Variants in L3MBTL4 observed in about 807,000 individuals in gnomAD.
The protein encoded by L3MBTL4 is lethal(3)malignant brain tumor-like protein 4.
A neutral mutation model predicts 84.5 loss-of-function variants in L3MBTL4; 70 were observed. The ratio of observed to expected loss-of-function variants is 0.83; its 90% CI spans 0.68 to 1.01. The LOEUF is 1.01. L3MBTL4 is among the 50% of genes least tolerant of loss of function. The pLI is 0.00. For missense variants in L3MBTL4, 715 were observed against 754.8 expected (o/e 0.95, Z 0.62); for synonymous variants, 274 against 259.8 (o/e 1.05, Z -0.52).
chr18:6,410,583 A>C (rs1014826963), intron 1 of L3MBTL4, among the ~76,000 whole-genome samples: 8 of 152,212 alleles, frequency 5.3e-5, no homozygotes, highest in African/African-American at 1.9e-4. Context: ...AGCTATCAGA[A>C]TAGCTTACAT....
At position 6,123,123 on chromosome 18, in the gene L3MBTL4, C is replaced by G. The variant is rs185195796; in HGVS notation, c.1199+15071G>C. Among the ~76,000 whole-genome samples, 766 of 152,242 alleles carry G rather than the reference C, an allele frequency of 5.0e-3. 8 individuals carry two copies. The highest frequency in any genetic ancestry group is 0.018 in the African/African-American group (727 of 41,538). On this transcript the variant is annotated intron_variant, in intron 14 of 18. Coordinates refer to ENST00000317931, the MANE Select transcript of L3MBTL4 (RefSeq NM_001330559.2). ...GGGGGTTATTCTAACCCAGTTCTTGCTGCTAGCAATAGTTTTGCAATTATG... is the reference window on the plus strand; with the variant it reads ...GGGGGTTATTCTAACCCAGTTCTTGGTGCTAGCAATAGTTTTGCAATTATG...
chr18:6,107,030 TATATC>T (rs987088688), intron 14 of L3MBTL4, among the ~76,000 whole-genome samples: 2 of 152,320 alleles, frequency 1.3e-5, no homozygotes, highest in Admixed American at 6.5e-5. Flanking sequence ...TTAAAAATGA[TATATC>T]ATAACAATAG....
intron 1 of L3MBTL4, among the ~76,000 whole-genome samples, chr18:6,325,781 T>A (rs1162390341): frequency 3.9e-5 from 6 of 152,196 alleles, no homozygotes; most frequent in Non-Finnish European, 8.8e-5. Context: ...AAATACAATA[T>A]TATAAGATTT....
At chr18:6,119,880 A>T (rs1473366189) in intron 14 of L3MBTL4, among the ~76,000 whole-genome samples, 3 of 152,236 alleles carry the variant, frequency 2.0e-5, no homozygotes, top group Non-Finnish European at 4.4e-5. Flanking sequence ...GAAGACTAAA[A>T]GCTAAGCATA....
chr18:6,196,909 C>T (rs533751617), intron 12 of L3MBTL4, among the ~76,000 whole-genome samples: 15 of 152,172 alleles, frequency 9.9e-5, no homozygotes, highest in African/African-American at 2.4e-4. Flanking sequence ...AGGTCAGCCC[C>T]GGCTTTCTCT....
chr18:6,007,405 A>G (rs1217661990), intron 16 of L3MBTL4, among the ~76,000 whole-genome samples: 1 of 152,222 alleles, frequency 6.6e-6, no homozygotes, highest in Admixed American at 6.5e-5. Context: ...TTAAATTTAT[A>G]CCAAGATAAA....
rs2058661958 is a variant in L3MBTL4 at position 6,096,899 on chromosome 18, C to T, written c.1200-3371G>A. ...TTGGTTGATTATGCATGGAGACAAG[C>T]AAGCTTAGAAACTGCAGGCTGAGAG... On this transcript the variant is annotated intron_variant, in intron 14 of 18. Coordinates refer to ENST00000317931, the MANE Select transcript of L3MBTL4 (RefSeq NM_001330559.2). Among the ~76,000 whole-genome samples, 3 of 152,286 alleles carry T rather than the reference C, an allele frequency of 2.0e-5. 1 individual carries two copies. The highest frequency in any genetic ancestry group is 6.8e-3 in the Middle Eastern group (2 of 294).
intron 16 of L3MBTL4, among the ~76,000 whole-genome samples, chr18:6,072,989 G>A (rs1377110748): frequency 2.2e-5 from 3 of 135,842 alleles, no homozygotes; most frequent in Non-Finnish European, 3.1e-5. Context: ...GAAAAATGAC[G>A]GTAAATTAAA....
chr18:6,302,781 G>A (rs183793696), intron 3 of L3MBTL4, among the ~76,000 whole-genome samples: 2 of 152,212 alleles, frequency 1.3e-5, no homozygotes. Context: ...AAAGGAGTTC[G>A]AAATCAACCT....
intron 10 of L3MBTL4, among the ~76,000 whole-genome samples, chr18:6,228,847 A>G (rs2046883324): frequency 6.6e-6 from 1 of 152,170 alleles, no homozygotes; most frequent in Admixed American, 6.6e-5. Flanking sequence ...TCAAATGCCT[A>G]ACTTGAAGTT....
At chr18:5,989,406 T>TA (rs3833205) in intron 16 of L3MBTL4, among the ~76,000 whole-genome samples, 29,626 of 152,098 alleles carry the variant, frequency 0.19, 4,840 homozygotes, top group African/African-American at 0.44. Flanking sequence ...TTTTATTTTT[T>TA]AAACCATATA....
intron 16 of L3MBTL4, chr18:6,029,850 G>C: frequency 1.0e-6 from 1 of 985,134 alleles, no homozygotes; most frequent in Non-Finnish European, 1.2e-6. Flanking sequence ...AAAAGGATTA[G>C]AATAGGATAG....
At chr18:6,191,832 T>A (rs1041182998) in intron 12 of L3MBTL4, among the ~76,000 whole-genome samples, 3 of 151,830 alleles carry the variant, frequency 2.0e-5, no homozygotes, top group South Asian at 2.1e-4. Context: ...CTACAAAAAA[T>A]TTTTTAAATT....
chr18:6,221,270 C>T (rs2046539107), intron 10 of L3MBTL4, among the ~76,000 whole-genome samples: 1 of 152,178 alleles, frequency 6.6e-6, no homozygotes, highest in Non-Finnish European at 1.5e-5. Flanking sequence ...CACAATTATA[C>T]TGGTGGCCAA....
At chr18:5,960,949 G>C (rs2095260347) in intron 17 of L3MBTL4, among the ~76,000 whole-genome samples, 1 of 152,160 alleles carries the variant, frequency 6.6e-6, no homozygotes, top group Non-Finnish European at 1.5e-5. Context: ...ACCTGATAAA[G>C]GGTAGACTCC....
At chr18:6,235,610 G>C (rs1221433575) in intron 10 of L3MBTL4, among the ~76,000 whole-genome samples, 2 of 152,214 alleles carry the variant, frequency 1.3e-5, no homozygotes, top group African/African-American at 4.8e-5. Context: ...TTCCTTTCAT[G>C]TAATATATCA....
chr18:6,373,130 C>A (rs923455309), intron 1 of L3MBTL4, among the ~76,000 whole-genome samples: 1 of 152,050 alleles, frequency 6.6e-6, no homozygotes, highest in African/African-American at 2.4e-5. Flanking sequence ...AAAAAAATTT[C>A]TCTAAGAAAT....
At chr18:6,030,461 TA>T in intron 16 of L3MBTL4, 1 of 978,850 alleles carries the variant, frequency 1.0e-6, no homozygotes, top group Non-Finnish European at 1.2e-6. Flanking sequence ...ATTGCTTTAC[TA>T]AACAAGTGAA....
chr18:6,241,325 A>T, intron 8 of L3MBTL4, 33 bp downstream of exon 8: 1 of 1,207,084 alleles, frequency 8.3e-7, no homozygotes, highest in Non-Finnish European at 1.2e-6. Flanking sequence ...GCTTGGGGGA[A>T]ATTTGATTTA....
Sources: allele counts gnomAD v4.1 joint callset (sites outside exome capture counted in the v4.1 genomes callset), GRCh38; gene constraint gnomAD v4.1.1; transcripts MANE v1.5; gene names NCBI Gene and HGNC (gene_info 2026-07-23, HGNC 2026-07-21).